ART3: variants seen among roughly 807,000 people sequenced by gnomAD.
ART3 encodes the protein ecto-ADP-ribosyltransferase 3.
In ART3, 49 loss-of-function variants were observed where a neutral mutation model predicts 48.5. The ratio of observed to expected loss-of-function variants is 1.01; its 90% confidence interval spans 0.80 to 1.28. The LOEUF (loss-of-function observed/expected upper bound fraction) is 1.28, where lower values mean the gene tolerates loss of function less well. Ranked by LOEUF, ART3 falls within the 50% of genes most tolerant of loss-of-function variation. ART3 has a pLI of 0.00. For missense variants in ART3, 438 were observed against 454.3 expected (o/e 0.96, Z 0.33); for synonymous variants, 145 against 157.2 (o/e 0.92, Z 0.58).
At chr4:76,015,008 G>A (rs994895395) in intron 1 of ART3, among the ~76,000 whole-genome samples, 9 of 152,296 alleles carry the variant, frequency 5.9e-5, no homozygotes, top group Non-Finnish European at 1.0e-4. Context: ...ATAGACTGAA[G>A]CTAGGGGGAG....
intron 10 of ART3, among the ~76,000 whole-genome samples, chr4:76,105,270 G>C (rs1728220064): frequency 6.6e-6 from 1 of 152,170 alleles, no homozygotes; most frequent in Non-Finnish European, 1.5e-5. Flanking sequence ...CATGGTGGGA[G>C]ATGAACATGA....
intron 1 of ART3, among the ~76,000 whole-genome samples, chr4:76,045,444 A>C (rs932305131): frequency 1.3e-5 from 2 of 151,956 alleles, no homozygotes; most frequent in African/African-American, 4.8e-5. Context: ...CCAGACAGTG[A>C]GATCCTTTCC....
At chr4:76,040,247 C>G (rs1734816432) in intron 1 of ART3, among the ~76,000 whole-genome samples, 1 of 152,150 alleles carries the variant, frequency 6.6e-6, no homozygotes, top group South Asian at 2.1e-4. Flanking sequence ...ATCGCTTGAA[C>G]CCAGAAGGCG....
At chr4:76,026,927 C>G (rs1295244608) in intron 1 of ART3, among the ~76,000 whole-genome samples, 1 of 152,108 alleles carries the variant, frequency 6.6e-6, no homozygotes, top group African/African-American at 2.4e-5. Context: ...TTGGGAAGAC[C>G]AGAAACTATG....
At chr4:76,053,415 TA>T (rs11384069) in intron 1 of ART3, among the ~76,000 whole-genome samples, 3 of 150,972 alleles carry the variant, frequency 2.0e-5, no homozygotes, top group African/African-American at 4.9e-5. Flanking sequence ...GAAGAGTTAC[TA>T]AAAAAAAACT....
intron 2 of ART3, among the ~76,000 whole-genome samples, chr4:76,077,014 G>GT (rs1721247336): frequency 6.6e-6 from 1 of 151,874 alleles, no homozygotes; most frequent in Admixed American, 6.6e-5. Context: ...GTCGCAGTAT[G>GT]TTTTTTATTG....
chr4:76,101,165 T>G, intron 8 of ART3, 146 bp downstream of exon 8: 3 of 894,490 alleles, frequency 3.4e-6, no homozygotes, highest in Non-Finnish European at 5.1e-6. Flanking sequence ...TTAGAGACTC[T>G]CCTGGGTTTC....
chr4:76,075,639 T>A (rs1047895939), intron 1 of ART3, among the ~76,000 whole-genome samples: 2 of 152,168 alleles, frequency 1.3e-5, no homozygotes, highest in Non-Finnish European at 2.9e-5. Context: ...AGATTTAATC[T>A]TGAGCAAATC....
intron 5 of ART3, chr4:76,099,751 T>A (rs1468761717): frequency 6.5e-6 from 1 of 152,980 alleles, no homozygotes; most frequent in African/African-American, 2.4e-5. Context: ...CTGAAGGATA[T>A]ATGGCCCAAA....
At chr4:76,089,156 C>T (rs1160044740) in intron 3 of ART3, among the ~76,000 whole-genome samples, 1 of 152,182 alleles carries the variant, frequency 6.6e-6, no homozygotes, top group Non-Finnish European at 1.5e-5. Context: ...TGGACATTCA[C>T]AGCTTCTCAG....
chr4:76,035,436 T>A, intron 1 of ART3: 1 of 1,306,224 alleles, frequency 7.7e-7, no homozygotes, highest in Non-Finnish European at 1.1e-6. Context: ...GAATTTTCAT[T>A]AAGGGTAAAG....
At chr4:76,052,784 G>C (rs1057231955) in intron 1 of ART3, among the ~76,000 whole-genome samples, 1 of 148,110 alleles carries the variant, frequency 6.8e-6, no homozygotes, top group Admixed American at 7.0e-5. Flanking sequence ...GCACGATCTC[G>C]GCTTGCTGCA....
intron 1 of ART3, among the ~76,000 whole-genome samples, chr4:76,066,834 C>G (rs1346223617): frequency 6.6e-6 from 1 of 152,172 alleles, no homozygotes; most frequent in East Asian, 1.9e-4. Flanking sequence ...GACGCCCAGG[C>G]TCAGCCTGAC....
intron 3 of ART3, among the ~76,000 whole-genome samples, chr4:76,082,747 AG>A (rs1722748982): frequency 6.6e-6 from 1 of 152,196 alleles, no homozygotes; most frequent in Non-Finnish European, 1.5e-5. Context: ...TAGCACTATA[AG>A]GCAGTGGTTC....
chr4:76,018,623 TAAA>T (rs1732480605), intron 1 of ART3, among the ~76,000 whole-genome samples: 1 of 152,126 alleles, frequency 6.6e-6, no homozygotes, highest in African/African-American at 2.4e-5. Context: ...CAAGAAGTAT[TAAA>T]TACAAAGTAA....
At chr4:76,036,156 C>A in intron 1 of ART3, 1 of 594,036 alleles carries the variant, frequency 1.7e-6, no homozygotes, top group South Asian at 2.2e-5. Flanking sequence ...CTCTTTGAGT[C>A]ATGCACCTTT....
chr4:76,101,049 T>A, intron 8 of ART3, 30 bp downstream of exon 8: 1 of 1,611,340 alleles, frequency 6.2e-7, no homozygotes, highest in Non-Finnish European at 8.5e-7. Flanking sequence ...TCTGGGGGCT[T>A]ACATTTTGCA....
At chr4:76,074,277 T>C (rs1004046443), upstream of ART3, among the ~76,000 whole-genome samples, 7 of 152,216 alleles carry the variant, frequency 4.6e-5, no homozygotes, top group African/African-American at 1.7e-4. Context: ...TTTAGTACTT[T>C]GTTTTACTTG....
chr4:76,026,259 A>G (rs1338410662), intron 1 of ART3, among the ~76,000 whole-genome samples: 1 of 152,102 alleles, frequency 6.6e-6, no homozygotes. Context: ...TTAATTCTCT[A>G]CATGGCATTT....
Sources: allele counts gnomAD v4.1 joint callset (sites outside exome capture counted in the v4.1 genomes callset), GRCh38; gene constraint gnomAD v4.1.1; transcripts MANE v1.5; gene names NCBI Gene and HGNC (gene_info 2026-07-23, HGNC 2026-07-21).